TUBGCP3: variants seen among roughly 807,000 people sequenced by gnomAD.
TUBGCP3 encodes gamma-tubulin complex component 3.
A neutral mutation model predicts 123.1 loss-of-function variants in TUBGCP3; 50 were observed. The observed-to-expected ratio is 0.41, with a 90% CI of 0.32 to 0.51. The LOEUF is 0.51. TUBGCP3 is among the 20% of genes least tolerant of loss of function. TUBGCP3 has a pLI of 0.36. For synonymous variants in TUBGCP3, 405 were observed against 413.9 expected (o/e 0.98, Z 0.26); for missense variants, 882 against 1,127.0 (o/e 0.78, Z 3.11).
chr13:112,521,827 C>T (rs1488762803), intron 14 of TUBGCP3: 4 of 985,238 alleles, frequency 4.1e-6, no homozygotes, highest in Admixed American at 6.1e-5. Context: ...ACAGCAGGCT[C>T]TGGTCCAGAA....
At chr13:112,529,287 C>T (rs1056071086) in intron 11 of TUBGCP3, among the ~76,000 whole-genome samples, 4 of 152,200 alleles carry the variant, frequency 2.6e-5, no homozygotes, top group African/African-American at 9.6e-5. Context: ...TTAATGAATA[C>T]ACCATCCTTT....
At chr13:112,533,153 C>A (rs756119853) in intron 11 of TUBGCP3, among the ~76,000 whole-genome samples, 1 of 152,234 alleles carries the variant, frequency 6.6e-6, no homozygotes, top group African/African-American at 2.4e-5. Flanking sequence ...AACAGAGAGA[C>A]CGAGAGGTCC....
At position 112,519,576 on chromosome 13, in the gene TUBGCP3, T is replaced by C. The variant is rs1876441916; in HGVS notation, c.1881+310A>G. Reference sequence around the variant, plus strand: ...ACTATGAGAAGAAAGCACCATTTTCTAAGCATCTGTGATATGCTGCCCAGC... The same window carrying C: ...ACTATGAGAAGAAAGCACCATTTTCCAAGCATCTGTGATATGCTGCCCAGC... On this transcript the variant is annotated intron_variant, in intron 15 of 21. Transcript: ENST00000261965. The surrounding 1 kb of genome is among the most constrained non-coding windows in gnomAD (Gnocchi z 6.2). Among the ~76,000 whole-genome samples the C allele has an allele frequency of 6.6e-6, 1 of 152,202 alleles. No individual in the cohort carries two copies. The highest frequency in any genetic ancestry group is 1.5e-5 in the Non-Finnish European group (1 of 68,040).
chr13:112,547,462 C>T (rs1566567083), intron 10 of TUBGCP3, 158 bp downstream of exon 10: 1 of 1,219,824 alleles, frequency 8.2e-7, no homozygotes, highest in Non-Finnish European at 1.0e-6. Flanking sequence ...GCCTGGATGG[C>T]GCACCCTACA....
intron 13 of TUBGCP3, among the ~76,000 whole-genome samples, chr13:112,525,633 GT>G (rs1486776744): frequency 2.0e-5 from 3 of 152,202 alleles, no homozygotes; most frequent in Admixed American, 6.5e-5. Context: ...ATTACTGAGG[GT>G]GGGGCAGGCG....
At chr13:112,586,080 A>C (rs1435934651) in intron 1 of TUBGCP3, among the ~76,000 whole-genome samples, 1 of 152,066 alleles carries the variant, frequency 6.6e-6, no homozygotes, top group Admixed American at 6.6e-5. Flanking sequence ...TCTACTAAAA[A>C]TACAAAAAAT....
At position 112,485,230 on chromosome 13, in the gene TUBGCP3, A is replaced by G. The variant is rs1879575933; in HGVS notation, c.*763T>C. On this transcript the variant is annotated 3_prime_UTR_variant, in exon 22 of 22. Coordinates refer to ENST00000261965, the MANE Select transcript of TUBGCP3 (RefSeq NM_006322.6). ...CCAATGCTTATCAGGAACTTTGAAAATAAAATACTCCATTAACTTTCTCGT... is the reference window on the plus strand; with the variant it reads ...CCAATGCTTATCAGGAACTTTGAAAGTAAAATACTCCATTAACTTTCTCGT... 6.6e-6 allele frequency: 1 copy of G among 152,666 alleles called. No individual in the cohort carries two copies. The highest frequency in any genetic ancestry group is 2.4e-5 in the African/African-American group (1 of 41,460). 9.5% of individuals were successfully genotyped at this position (152,666 alleles called of 1,614,324 possible).
intron 17 of TUBGCP3, among the ~76,000 whole-genome samples, chr13:112,514,278 C>T (rs1875884866): frequency 1.6e-5 from 2 of 128,114 alleles, no homozygotes; most frequent in Non-Finnish European, 3.1e-5. Context: ...TCTGAGGTTT[C>T]AGGCATCCAT....
rs1878080774 is a variant in TUBGCP3, at chr13:112,536,674, A to T, written c.1335+9025T>A. On this transcript the variant is annotated intron_variant, in intron 11 of 21. Coordinates refer to ENST00000261965, the MANE Select transcript of TUBGCP3 (RefSeq NM_006322.6). ...CCAATGTGGTGAACTTATACATTAG[A>T]CAGCTATACATACACCTCTCTACCT... 2.0e-5 allele frequency among the ~76,000 whole-genome samples: 3 copies of T among 152,204 alleles called. No individual in the cohort carries two copies. In the South Asian group the frequency reaches 6.2e-4, roughly 32 times the overall value.
At chr13:112,573,814 C>A (rs1881600811) in intron 1 of TUBGCP3, among the ~76,000 whole-genome samples, 1 of 152,240 alleles carries the variant, frequency 6.6e-6, no homozygotes, top group Admixed American at 6.5e-5. Context: ...CCACCCCCAC[C>A]ACTGAGTGCT....
intron 11 of TUBGCP3, among the ~76,000 whole-genome samples, chr13:112,541,066 TAAAGAAA>T (rs1316098605): frequency 3.3e-5 from 5 of 152,070 alleles, no homozygotes; most frequent in African/African-American, 1.2e-4. Flanking sequence ...TTAAACATAT[TAAAGAAA>T]AAAGTACAGA....
rs1877178763 is a variant in TUBGCP3 at position 112,526,927 on chromosome 13, C to T, written c.1555+15G>A. The T allele has an allele frequency of 6.3e-7, 1 of 1,582,782 alleles. No homozygotes were observed. The highest frequency in any genetic ancestry group is 2.2e-5 in the East Asian group (1 of 44,736). On this transcript the variant is annotated intron_variant, in intron 13 of 21. Coordinates refer to ENST00000261965, the MANE Select transcript of TUBGCP3 (RefSeq NM_006322.6). ...CACCATTGCCATCATCACCACCCCA[C>T]CAGCATCATCATACCGTCCTGGGGT... is the stretch of plus-strand genomic sequence containing the variant.
intron 10 of TUBGCP3, 195 bp from the exon 11 acceptor site, chr13:112,546,060 C>A: frequency 3.6e-6 from 2 of 551,506 alleles, no homozygotes; most frequent in Non-Finnish European, 6.3e-6. Context: ...CAGACTCCAA[C>A]CCTGGCTTTA....
intron 5 of TUBGCP3, among the ~76,000 whole-genome samples, chr13:112,556,700 A>G (rs960755364): frequency 6.6e-6 from 1 of 152,198 alleles, no homozygotes; most frequent in Non-Finnish European, 1.5e-5. Flanking sequence ...TTCAGCCTTC[A>G]GAGTGCTCAC....
chr13:112,575,896 G>A (rs896466628), intron 1 of TUBGCP3, among the ~76,000 whole-genome samples: 7 of 152,174 alleles, frequency 4.6e-5, no homozygotes, highest in Admixed American at 2.0e-4. Flanking sequence ...AAAAGGCGAC[G>A]CAGCACCCCC....
intron 1 of TUBGCP3, among the ~76,000 whole-genome samples, chr13:112,577,629 T>C (rs1881925607): frequency 6.6e-6 from 1 of 152,172 alleles, no homozygotes; most frequent in South Asian, 2.1e-4. Context: ...AATACTAGTG[T>C]ATCATTATTA....
At chr13:112,489,242 G>T (rs1879908424) in intron 21 of TUBGCP3, among the ~76,000 whole-genome samples, 1 of 149,476 alleles carries the variant, frequency 6.7e-6, no homozygotes, top group African/African-American at 2.5e-5. Context: ...GCCACGCCCA[G>T]GTCCCCACAC....
chr13:112,581,879 T>G (rs1882299355), intron 1 of TUBGCP3, among the ~76,000 whole-genome samples: 1 of 152,180 alleles, frequency 6.6e-6, no homozygotes. Flanking sequence ...AGAAACACTC[T>G]CCTCTTCACC....
rs555379176 is a variant in TUBGCP3 at position 112,498,031 on chromosome 13, TACAC to T, written c.2448+1010_2448+1013del. Among the ~76,000 whole-genome samples, 16 of 151,530 alleles carry T rather than the reference TACAC, an allele frequency of 1.1e-4. No individual in the cohort carries two copies. In the East Asian group the frequency reaches 1.5e-3, roughly 15 times the overall value. Reference sequence around the variant, plus strand: ...AATTTGGTTCATGTACATATACATGTACACACACACACACATGCATGTACCTGTA... The same window carrying T: ...AATTTGGTTCATGTACATATACATGTACACACACACATGCATGTACCTGTA... On this transcript the variant is annotated intron_variant, in intron 20 of 21. Transcript: ENST00000261965.
Sources: allele counts gnomAD v4.1 joint callset (sites outside exome capture counted in the v4.1 genomes callset), GRCh38; gene constraint gnomAD v4.1.1; non-coding constraint Gnocchi (gnomAD v3.1); transcripts MANE v1.5; gene names NCBI Gene and HGNC (gene_info 2026-07-23, HGNC 2026-07-21).